TNIK: variants seen among roughly 807,000 people sequenced by gnomAD.
The protein encoded by TNIK is TRAF2 and NCK-interacting protein kinase.
Under a neutral mutation model 191.3 loss-of-function variants are expected in TNIK, and 49 were observed. The observed-to-expected ratio is 0.26, with a 90% CI of 0.20 to 0.32. The LOEUF is 0.32. Among genes scored for constraint, TNIK ranks in the 10% least tolerant of loss-of-function variants. TNIK has a pLI of 1.00. For missense variants in TNIK, 1,155 were observed against 1,702.3 expected (o/e 0.68, Z 5.66); for synonymous variants, 594 against 600.9 (o/e 0.99, Z 0.17).
intron 2 of TNIK, among the ~76,000 whole-genome samples, chr3:171,233,565 C>T (rs1028493222): frequency 2.0e-5 from 3 of 152,104 alleles, no homozygotes; most frequent in Non-Finnish European, 4.4e-5. Context: ...GGGAATGGCC[C>T]TTAGCCAAAG....
chr3:171,290,002 C>T (rs754859678), intron 2 of TNIK, among the ~76,000 whole-genome samples: 12 of 151,778 alleles, frequency 7.9e-5, no homozygotes, highest in Non-Finnish European at 1.6e-4. Context: ...TTCATTTGGG[C>T]CTCAGTTTAT....
chr3:171,399,559 TTAAA>T (rs1455395804), intron 1 of TNIK, among the ~76,000 whole-genome samples: 12 of 152,162 alleles, frequency 7.9e-5, no homozygotes, highest in African/African-American at 2.7e-4. Flanking sequence ...AGAGACCTAG[TTAAA>T]TAAATTATGA....
intron 2 of TNIK, among the ~76,000 whole-genome samples, chr3:171,307,756 G>A (rs1247778052): frequency 2.6e-5 from 4 of 152,088 alleles, no homozygotes; most frequent in Non-Finnish European, 4.4e-5. Context: ...AAAGTGGTTT[G>A]GGGACCTCTG....
chr3:171,108,718 T>A (rs533423672), intron 19 of TNIK, among the ~76,000 whole-genome samples: 7 of 152,288 alleles, frequency 4.6e-5, no homozygotes, highest in South Asian at 4.1e-4. Context: ...GGAAAAAAAA[T>A]TTATTTTATT....
chr3:171,457,454 A>G (rs1728911578), intron 1 of TNIK, among the ~76,000 whole-genome samples: 1 of 152,222 alleles, frequency 6.6e-6, no homozygotes, highest in South Asian at 2.1e-4. Context: ...AAATTCTCCC[A>G]GAAGCCACTG....
intron 1 of TNIK, among the ~76,000 whole-genome samples, chr3:171,371,487 G>A (rs995820176): frequency 6.6e-6 from 1 of 152,160 alleles, no homozygotes; most frequent in Admixed American, 6.5e-5. Context: ...AAGCCAGAAG[G>A]GCAAGAAACC....
intron 1 of TNIK, among the ~76,000 whole-genome samples, chr3:171,392,023 A>G (rs1369063100): frequency 6.6e-6 from 1 of 152,246 alleles, no homozygotes; most frequent in Admixed American, 6.5e-5. Context: ...AAAGAACTTC[A>G]TAATCCAGAA....
At chr3:171,167,038 G>A (rs1446252266) in intron 10 of TNIK, 57 bp downstream of exon 10, 22 of 1,562,122 alleles carry the variant, frequency 1.4e-5, no homozygotes, top group South Asian at 8.4e-5. Context: ...TACATCAAGC[G>A]CCCATGATTC....
At chr3:171,246,725 T>G (rs1318835462) in intron 2 of TNIK, among the ~76,000 whole-genome samples, 1 of 152,204 alleles carries the variant, frequency 6.6e-6, no homozygotes, top group Non-Finnish European at 1.5e-5. Flanking sequence ...GATCTTGAGT[T>G]TTCAGCTATT....
intron 2 of TNIK, among the ~76,000 whole-genome samples, chr3:171,259,659 A>T (rs1747346635): frequency 6.6e-6 from 1 of 152,234 alleles, no homozygotes; most frequent in South Asian, 2.1e-4. Context: ...GCCAACGGTA[A>T]AGAATTAATA....
intron 2 of TNIK, among the ~76,000 whole-genome samples, chr3:171,296,243 A>C (rs1475893992): frequency 6.6e-6 from 1 of 152,146 alleles, no homozygotes; most frequent in African/African-American, 2.4e-5. Context: ...GGTAGATATT[A>C]ATTTCTATAA....
intron 2 of TNIK, among the ~76,000 whole-genome samples, chr3:171,243,635 T>A (rs1745241622): frequency 6.6e-6 from 1 of 152,154 alleles, no homozygotes; most frequent in South Asian, 2.1e-4. Flanking sequence ...GGGACCTGAG[T>A]CTTAAGTCGA....
intron 9 of TNIK, among the ~76,000 whole-genome samples, chr3:171,172,626 G>A (rs1735448574): frequency 1.3e-5 from 2 of 152,324 alleles, no homozygotes; most frequent in African/African-American, 4.8e-5. Flanking sequence ...CCTGGAGGCT[G>A]CACCACCACC....
chr3:171,186,497 TA>T (rs1007419236), intron 7 of TNIK, among the ~76,000 whole-genome samples: 1 of 152,216 alleles, frequency 6.6e-6, no homozygotes, highest in African/African-American at 2.4e-5. Context: ...AAGTCTTCCT[TA>T]TTCATTCTTT....
chr3:171,139,393 C>T (rs1190028960), intron 14 of TNIK, 77 bp downstream of exon 14: 1 of 1,126,364 alleles, frequency 8.9e-7, no homozygotes, highest in Non-Finnish European at 1.3e-6. Flanking sequence ...CACACACACA[C>T]ACACACACAC....
At chr3:171,097,788 G>A (rs1000359124) in intron 22 of TNIK, among the ~76,000 whole-genome samples, 9 of 152,282 alleles carry the variant, frequency 5.9e-5, no homozygotes, top group Non-Finnish European at 1.2e-4. Flanking sequence ...GACTAATACA[G>A]TAGTTGATGG....
In TNIK at chr3:171,079,661, A is replaced by G. The variant is rs775704139; in HGVS notation, c.3314-9T>C. ...TAGCTTATTCTTCTTTCCTGTTGAA[A>G]TAATAGAGGTTTAATTTCAAATTGC... On this transcript the variant is annotated splice_polypyrimidine_tract_variant and intron_variant, in intron 27 of 32. Transcript: ENST00000436636. The G allele has an allele frequency of 6.3e-7, 1 of 1,599,838 alleles. No homozygotes were observed. Among genetic ancestry groups the G allele is most frequent in the Non-Finnish European group, 8.5e-7 (1 of 1,173,362 alleles).
intron 1 of TNIK, among the ~76,000 whole-genome samples, chr3:171,425,388 C>T (rs1472119182): frequency 2.0e-5 from 3 of 152,152 alleles, no homozygotes; most frequent in Non-Finnish European, 2.9e-5. Context: ...AGACTATCTA[C>T]AGATTTATTT....
chr3:171,130,368 G>A (rs1237518631), intron 15 of TNIK, among the ~76,000 whole-genome samples: 1 of 152,198 alleles, frequency 6.6e-6, no homozygotes, highest in South Asian at 2.1e-4. Context: ...CCATGGCTGT[G>A]CAGGGTACAT....
Sources: gnomAD v4.1 joint callset for allele counts (sites outside exome capture counted in the v4.1 genomes callset) on GRCh38, gnomAD v4.1.1 for gene constraint, MANE v1.5 for transcripts, NCBI Gene and HGNC (gene_info 2026-07-23, HGNC 2026-07-21) for gene names.